The following DNAI3 variants were observed in gnomAD, a reference collection of about 807,000 sequenced individuals.
DNAI3 encodes WD repeat domain 63.
In DNAI3, 83 loss-of-function variants were observed where a neutral mutation model predicts 115.5. That is an observed-to-expected ratio of 0.72 (90% CI 0.60 to 0.86). The LOEUF is 0.86. DNAI3 is among the 40% of genes least tolerant of loss of function. DNAI3 has a pLI of 0.00. For synonymous variants in DNAI3, 320 were observed against 347.0 expected (o/e 0.92, Z 0.86); for missense variants, 1,004 against 1,075.8 (o/e 0.93, Z 0.93).
chr1:85,067,396 C>T (rs1272695317), intron 1 of DNAI3, among the ~76,000 whole-genome samples: 2 of 152,076 alleles, frequency 1.3e-5, no homozygotes, highest in Admixed American at 1.3e-4. Flanking sequence ...TAATTTATTG[C>T]CAAAAATTTG....
chr1:85,131,123 T>C lies in DNAI3; in HGVS notation c.2532+1011T>C, dbSNP rs35540521. On this transcript the variant is annotated intron_variant, in intron 22 of 22. Coordinates refer to ENST00000294664, the MANE Select transcript of DNAI3 (RefSeq NM_145172.5). ...AAATACATACATCCTCAAACACAGT[T>C]ACTCACATGAGGCCTTCAGTCTCAA... 5.7e-3 allele frequency among the ~76,000 whole-genome samples: 866 copies of C among 152,208 alleles called. 1 individual carries two copies. Among genetic ancestry groups the C allele is most frequent in the Middle Eastern group, 0.014 (4 of 294 alleles).
At position 85,085,912 on chromosome 1, in the gene DNAI3, G is replaced by A. The variant is rs201473686; in HGVS notation, c.622G>A (p.Asp208Asn). 2 of 1,614,176 alleles carry A rather than the reference G, an allele frequency of 1.2e-6. No homozygotes were observed. The highest frequency in any genetic ancestry group is 1.7e-6 in the Non-Finnish European group (2 of 1,180,028). ...TGACCAGAATGCTTCCAGTGTAAAA[G>A]ATGCCTATATTGAATGTACAGCCTA... ...FSDQNASSVK[D>N]AYIECTAYPD... The change falls in exon 7 of 23, where the codon GAT becomes AAT. Residue 208 changes from aspartate (D) to asparagine (N), a missense_variant. Coordinates refer to ENST00000294664, the MANE Select transcript of DNAI3 (RefSeq NM_145172.5).
intron 3 of DNAI3, among the ~76,000 whole-genome samples, chr1:85,075,911 G>T (rs1035269267): frequency 6.6e-6 from 1 of 152,162 alleles, no homozygotes; most frequent in Non-Finnish European, 1.5e-5. Context: ...GCCTATTGCT[G>T]CTGTAACAAA....
chr1:85,114,587 T>A (rs550372389), intron 16 of DNAI3, among the ~76,000 whole-genome samples: 11 of 152,326 alleles, frequency 7.2e-5, no homozygotes, highest in African/African-American at 2.2e-4. Flanking sequence ...ATGGCCATGA[T>A]CTGCCTCCTG....
chr1:85,084,587 T>C lies in DNAI3; in HGVS notation c.432T>C (p.His144=). The change falls in exon 6 of 23, where the codon CAT becomes CAC. Residue 144 remains histidine (H), a synonymous_variant. Coordinates refer to ENST00000294664, the MANE Select transcript of DNAI3 (RefSeq NM_145172.5). The part of the protein sequence containing the change: ...VPEEQEEYKE[H]IPEDVYIYKP... ...AAGAACAAGAAGAATATAAAGAACA[T>C]ATTCCTGAAGATGTGTATATTTATA... 4.5e-6 allele frequency: 7 copies of C among 1,545,878 alleles called. No homozygotes were observed. The highest frequency in any genetic ancestry group is 5.2e-6 in the Non-Finnish European group (6 of 1,147,994).
chr1:85,110,345 G>A (rs939493091), intron 16 of DNAI3, among the ~76,000 whole-genome samples: 1 of 151,590 alleles, frequency 6.6e-6, no homozygotes, highest in Admixed American at 6.6e-5. Flanking sequence ...CAGCTATCCC[G>A]GAGGCTGAGG....
chr1:85,130,444 T>C (rs2100620682), intron 22 of DNAI3, among the ~76,000 whole-genome samples: 1 of 152,274 alleles, frequency 6.6e-6, no homozygotes, highest in Middle Eastern at 3.4e-3. Flanking sequence ...AAGAGTTGAA[T>C]ATGGAATCAA....
intron 22 of DNAI3, among the ~76,000 whole-genome samples, chr1:85,132,469 G>A (rs1656364613): frequency 6.6e-6 from 1 of 152,214 alleles, no homozygotes. Context: ...CTCAGCCTGG[G>A]ACAGTAGTCA....
chr1:85,129,970 T>C lies in DNAI3; in HGVS notation c.2410-20T>C. On this transcript the variant is annotated intron_variant, in intron 21 of 22. Transcript: ENST00000294664. ...GGGCTTCCTGCCTGTCACCCTCTCA[T>C]GGACTTCTGTTTCTAACAGATGGCA... 1.9e-6 allele frequency: 3 copies of C among 1,605,526 alleles called. No homozygotes were observed. Among genetic ancestry groups the C allele is most frequent in the Non-Finnish European group, 2.6e-6 (3 of 1,176,460 alleles).
At chr1:85,090,038 C>A (rs144144511) in intron 7 of DNAI3, 78 bp from the exon 8 acceptor site, 13 of 553,368 alleles carry the variant, frequency 2.3e-5, no homozygotes, top group African/African-American at 2.1e-4. Context: ...CACAGAGACA[C>A]ACTTTTGACC....
chr1:85,072,057 T>C lies in DNAI3; in HGVS notation c.64+52T>C, dbSNP rs2100555618. ...ATTTTTTGTGGAGTATTTGTGTATA[T>C]ATTAGCAGCAAAATGATTATGGTTT... On this transcript the variant is annotated intron_variant, in intron 2 of 22. Coordinates refer to ENST00000294664, the MANE Select transcript of DNAI3 (RefSeq NM_145172.5). 4.0e-6 allele frequency: 6 copies of C among 1,503,074 alleles called. No homozygotes were observed. The East Asian group carries it at 9.1e-5, about 23-fold the overall frequency. 93.1% of individuals were successfully genotyped at this position (1,503,074 alleles called of 1,614,324 possible). A position where few individuals can be genotyped will look rare whatever the true frequency, so the allele number is the denominator to read the frequency against.
At chr1:85,105,484 C>T (rs1405373262) in intron 14 of DNAI3, among the ~76,000 whole-genome samples, 6 of 145,890 alleles carry the variant, frequency 4.1e-5, no homozygotes, top group East Asian at 4.0e-4. Context: ...TGCGAGATTG[C>T]GCCATTGCAC....
At chr1:85,101,550 C>T (rs1557718039) in intron 13 of DNAI3, among the ~76,000 whole-genome samples, 1 of 151,664 alleles carries the variant, frequency 6.6e-6, no homozygotes, top group African/African-American at 2.4e-5. Flanking sequence ...TGGTGAAAGC[C>T]CGTCTCTACT....
chr1:85,130,246 AG>A (rs1415984587), intron 22 of DNAI3, 134 bp downstream of exon 22: 2 of 1,288,196 alleles, frequency 1.6e-6, no homozygotes, highest in Non-Finnish European at 2.1e-6. Flanking sequence ...GAGAGTCAAG[AG>A]GGCATTCCTT....
chr1:85,132,722 T>C, intron 22 of DNAI3, 133 bp from the exon 23 acceptor site: 1 of 1,031,356 alleles, frequency 9.7e-7, no homozygotes, highest in Non-Finnish European at 1.3e-6. Flanking sequence ...CCCTCCTGCC[T>C]TCCTGCCCTC....
At chr1:85,121,536 G>T (rs1389603123) in intron 17 of DNAI3, among the ~76,000 whole-genome samples, 1 of 152,208 alleles carries the variant, frequency 6.6e-6, no homozygotes, top group Non-Finnish European at 1.5e-5. Flanking sequence ...ATCATTATAT[G>T]TGGATAAAAA....
intron 6 of DNAI3, among the ~76,000 whole-genome samples, chr1:85,085,036 G>A (rs1654758486): frequency 6.6e-6 from 1 of 152,124 alleles, no homozygotes; most frequent in East Asian, 1.9e-4. Flanking sequence ...TGATAAGATG[G>A]CCATGGGATG....
At chr1:85,076,145 A>G (rs1654443872) in intron 3 of DNAI3, among the ~76,000 whole-genome samples, 1 of 152,088 alleles carries the variant, frequency 6.6e-6, no homozygotes, top group African/African-American at 2.4e-5. Context: ...AGCCAGCAGC[A>G]TAGCATCTTT....
intron 14 of DNAI3, among the ~76,000 whole-genome samples, chr1:85,104,857 T>C (rs1478830485): frequency 4.6e-5 from 7 of 152,238 alleles, no homozygotes; most frequent in Non-Finnish European, 1.5e-5. Context: ...CACATTCTCA[T>C]ATTTGTAAAT....
Sources: gnomAD v4.1 joint callset for allele counts (sites outside exome capture counted in the v4.1 genomes callset) on GRCh38, gnomAD v4.1.1 for gene constraint, MANE v1.5 for transcripts, NCBI Gene and HGNC (gene_info 2026-07-23, HGNC 2026-07-21) for gene names.